CDKAL1: variants seen among roughly 807,000 people sequenced by gnomAD.
CDKAL1 encodes CDKAL1 threonylcarbamoyladenosine tRNA methylthiotransferase.
Under a neutral mutation model 68.2 loss-of-function variants are expected in CDKAL1, and 32 were observed. The ratio of observed to expected loss-of-function variants is 0.47; its 90% CI spans 0.35 to 0.63. The LOEUF (loss-of-function observed/expected upper bound fraction) is 0.63, where lower values mean the gene tolerates loss of function less well. CDKAL1 is among the 30% of genes least tolerant of loss of function. CDKAL1 has a pLI of 0.00. For missense variants in CDKAL1, 606 were observed against 696.7 expected, an observed-to-expected ratio of 0.87 and a Z score of 1.47; for synonymous variants, 234 against 244.3, an observed-to-expected ratio of 0.96 and a Z score of 0.39.
chr6:21,227,809 T>C (rs1779808496), intron 15 of CDKAL1, among the ~76,000 whole-genome samples: 1 of 152,240 alleles, frequency 6.6e-6, no homozygotes, highest in Admixed American at 6.5e-5. Flanking sequence ...TCTCCGGTAG[T>C]TCAGTAGGTA....
intron 9 of CDKAL1, among the ~76,000 whole-genome samples, chr6:20,947,507 C>G (rs1764307274): frequency 1.3e-5 from 2 of 151,762 alleles, no homozygotes; most frequent in African/African-American, 4.8e-5. Flanking sequence ...GGCAGGATCA[C>G]TTGAGTCCAG....
intron 10 of CDKAL1, among the ~76,000 whole-genome samples, chr6:20,989,059 G>A (rs1766650809): frequency 6.6e-6 from 1 of 151,866 alleles, no homozygotes; most frequent in East Asian, 1.9e-4. Flanking sequence ...CTGCCTATAG[G>A]CAGGGGTTAT....
intron 11 of CDKAL1, among the ~76,000 whole-genome samples, chr6:21,054,452 A>G (rs1179782726): frequency 6.6e-6 from 1 of 152,022 alleles, no homozygotes; most frequent in Non-Finnish European, 1.5e-5. Flanking sequence ...GTATTTCCGC[A>G]TACATTTTAA....
At chr6:20,571,326 A>C (rs946777626) in intron 4 of CDKAL1, among the ~76,000 whole-genome samples, 1 of 148,620 alleles carries the variant, frequency 6.7e-6, no homozygotes, top group Non-Finnish European at 1.5e-5. Context: ...TCATTCTTAG[A>C]TATTCATCAT....
At chr6:20,639,593 C>T (rs570178731) in intron 4 of CDKAL1, among the ~76,000 whole-genome samples, 2 of 152,168 alleles carry the variant, frequency 1.3e-5, no homozygotes, top group Admixed American at 6.5e-5. Flanking sequence ...CCATGCTGAG[C>T]ATTGTGTAAG....
intron 9 of CDKAL1, among the ~76,000 whole-genome samples, chr6:20,902,539 TGC>T (rs1286453722): frequency 6.6e-6 from 1 of 152,164 alleles, no homozygotes; most frequent in African/African-American, 2.4e-5. Flanking sequence ...TATTTTGAAA[TGC>T]CTGTGAGATA....
At chr6:20,784,509 C>T (rs1354224511) in intron 8 of CDKAL1, among the ~76,000 whole-genome samples, 2 of 137,060 alleles carry the variant, frequency 1.5e-5, no homozygotes, top group Admixed American at 7.9e-5. Context: ...CTGCAACCTC[C>T]GCCCTCCTGG....
intron 13 of CDKAL1, among the ~76,000 whole-genome samples, chr6:21,183,349 A>ACGCC (rs1777871984): frequency 6.6e-6 from 1 of 152,116 alleles, no homozygotes; most frequent in South Asian, 2.1e-4. Flanking sequence ...GGCTGGCAGT[A>ACGCC]CGCCCACCAG....
At chr6:20,562,124 G>A (rs1764289610) in intron 4 of CDKAL1, among the ~76,000 whole-genome samples, 1 of 152,114 alleles carries the variant, frequency 6.6e-6, no homozygotes, top group South Asian at 2.1e-4. Flanking sequence ...CCATTTATTT[G>A]TGTGTGTTCC....
chr6:21,164,982 G>A (rs9348458), intron 13 of CDKAL1, among the ~76,000 whole-genome samples: 19,342 of 152,152 alleles, frequency 0.13, 1,777 homozygotes, highest in East Asian at 0.35. Context: ...TGAAATGAAC[G>A]AATAGACAGC....
intron 8 of CDKAL1, among the ~76,000 whole-genome samples, chr6:20,832,241 A>G (rs1777748470): frequency 6.6e-6 from 1 of 152,216 alleles, no homozygotes; most frequent in Non-Finnish European, 1.5e-5. Flanking sequence ...ATGATTTATA[A>G]CATAACCATA....
At chr6:21,185,767 G>A (rs1777984783) in intron 13 of CDKAL1, among the ~76,000 whole-genome samples, 1 of 152,178 alleles carries the variant, frequency 6.6e-6, no homozygotes, top group East Asian at 1.9e-4. Flanking sequence ...AATAGGTGAA[G>A]AGAAATAAAT....
intron 13 of CDKAL1, among the ~76,000 whole-genome samples, chr6:21,115,899 C>T (rs893806247): frequency 6.6e-6 from 1 of 152,140 alleles, no homozygotes; most frequent in Non-Finnish European, 1.5e-5. Context: ...TCAAAGTGAC[C>T]ATAGAGTTGT....
At chr6:20,556,126 C>A (rs552568880) in intron 4 of CDKAL1, among the ~76,000 whole-genome samples, 2 of 151,876 alleles carry the variant, frequency 1.3e-5, no homozygotes, top group Non-Finnish European at 2.9e-5. Context: ...GCACTTTGGG[C>A]GGCCTAGGCA....
intron 13 of CDKAL1, among the ~76,000 whole-genome samples, chr6:21,176,325 G>T (rs1777570082): frequency 6.6e-6 from 1 of 152,216 alleles, no homozygotes; most frequent in African/African-American, 2.4e-5. Context: ...ATCATAGATT[G>T]TTTATGCGTG....
chr6:21,128,079 T>C (rs1211883456), intron 13 of CDKAL1, among the ~76,000 whole-genome samples: 2 of 152,238 alleles, frequency 1.3e-5, no homozygotes, highest in African/African-American at 4.8e-5. Context: ...TGGTCCGACT[T>C]ACAAGTTTTC....
rs954202565 is a variant in CDKAL1, at chr6:20,760,736, C to T, written c.517+2093C>T. ...TTTAAGATACTTGAGGGCATTGTTG[C>T]CTTATTCATCCTTTGTCTTAAGTAC... On this transcript the variant is annotated intron_variant, in intron 7 of 15. Coordinates refer to ENST00000274695, the MANE Select transcript of CDKAL1 (RefSeq NM_017774.3). 2.0e-5 allele frequency among the ~76,000 whole-genome samples: 3 copies of T among 152,076 alleles called. 1 individual carries two copies. Among genetic ancestry groups the T allele is most frequent in the Admixed American group, 2.0e-4 (3 of 15,260 alleles).
chr6:20,710,771 A>G (rs1562043891), intron 5 of CDKAL1, among the ~76,000 whole-genome samples: 1 of 152,222 alleles, frequency 6.6e-6, no homozygotes, highest in South Asian at 2.1e-4. Context: ...TTTTTGATTT[A>G]CTTGAACATG....
chr6:21,035,495 T>C (rs1453143083), intron 11 of CDKAL1, among the ~76,000 whole-genome samples: 3 of 152,148 alleles, frequency 2.0e-5, no homozygotes, highest in African/African-American at 7.2e-5. Flanking sequence ...TCAGGATCAT[T>C]AGAAAACATC....
Sources: allele counts gnomAD v4.1 joint callset (sites outside exome capture counted in the v4.1 genomes callset), GRCh38; gene constraint gnomAD v4.1.1; transcripts MANE v1.5; gene names NCBI Gene and HGNC (gene_info 2026-07-23, HGNC 2026-07-21).